Variants in CMSS1 observed in about 807,000 individuals in gnomAD.
CMSS1 encodes the protein protein CMSS1.
In CMSS1, 33 loss-of-function variants were observed where a neutral mutation model predicts 43.5. The ratio of observed to expected loss-of-function variants is 0.76; its 90% confidence interval spans 0.57 to 1.01. The LOEUF (loss-of-function observed/expected upper bound fraction) is 1.01, where lower values mean the gene tolerates loss of function less well. Ranked by LOEUF, CMSS1 falls within the 50% of genes least tolerant of loss-of-function variation. The pLI is 0.00. For missense variants in CMSS1, 313 were observed against 326.4 expected, an observed-to-expected ratio of 0.96 and a Z score of 0.32; for synonymous variants, 115 against 117.2, an observed-to-expected ratio of 0.98 and a Z score of 0.12.
In CMSS1 at chr3:99,952,300, T is replaced by C. The variant is rs186391934; in HGVS notation, c.64+134257T>C. Among the ~76,000 whole-genome samples, 10 of 152,352 alleles carry C rather than the reference T, an allele frequency of 6.6e-5. No homozygotes were observed. In the East Asian group the frequency reaches 1.9e-3, roughly 29 times the overall value. On this transcript the variant is annotated intron_variant, in intron 1 of 9. Coordinates refer to ENST00000421999, the MANE Select transcript of CMSS1 (RefSeq NM_032359.4). ...TCAATTGGATTATTTTGGCTTAAGCTAGACATCTAAGGTATTTTCATAATG... is the reference window on the plus strand; with the variant it reads ...TCAATTGGATTATTTTGGCTTAAGCCAGACATCTAAGGTATTTTCATAATG...
intron 1 of CMSS1, among the ~76,000 whole-genome samples, chr3:99,910,916 A>G (rs1706767431): frequency 6.6e-6 from 1 of 152,206 alleles, no homozygotes; most frequent in Non-Finnish European, 1.5e-5. Flanking sequence ...TTAGCTGAGC[A>G]ACCCTTTTCA....
chr3:100,001,991 A>G (rs548993862), intron 1 of CMSS1, among the ~76,000 whole-genome samples: 1 of 152,136 alleles, frequency 6.6e-6, no homozygotes, highest in East Asian at 1.9e-4. Flanking sequence ...CCCAATTCTG[A>G]AGCTTTGTTG....
intron 1 of CMSS1, among the ~76,000 whole-genome samples, chr3:100,109,619 A>G (rs909995720): frequency 6.6e-6 from 1 of 152,150 alleles, no homozygotes; most frequent in Non-Finnish European, 1.5e-5. Context: ...TTCAATTGGC[A>G]TAATGCAATT....
intron 1 of CMSS1, among the ~76,000 whole-genome samples, chr3:99,941,450 G>A (rs1212237843): frequency 1.3e-5 from 2 of 152,182 alleles, no homozygotes; most frequent in African/African-American, 4.8e-5. Context: ...GAATGAAAAA[G>A]GGTTCCCAGG....
intron 1 of CMSS1, among the ~76,000 whole-genome samples, chr3:100,118,121 AT>A (rs1475671001): frequency 6.6e-6 from 1 of 151,262 alleles, no homozygotes; most frequent in Non-Finnish European, 1.5e-5. Context: ...TGGGTGTAGA[AT>A]TTCATCTGGG....
At chr3:100,138,982 T>C (rs752538901) in intron 1 of CMSS1, among the ~76,000 whole-genome samples, 3 of 152,232 alleles carry the variant, frequency 2.0e-5, no homozygotes, top group African/African-American at 7.2e-5. Flanking sequence ...GAAAATGTGG[T>C]ACATATATAC....
chr3:100,175,548 G>A (rs2107534351), intron 8 of CMSS1, among the ~76,000 whole-genome samples: 1 of 152,172 alleles, frequency 6.6e-6, no homozygotes, highest in South Asian at 2.1e-4. Flanking sequence ...ACAGGCATTT[G>A]AATTATAAAA....
intron 1 of CMSS1, among the ~76,000 whole-genome samples, chr3:100,056,602 C>G (rs896275750): frequency 1.1e-4 from 17 of 151,970 alleles, no homozygotes; most frequent in Admixed American, 6.6e-5. Flanking sequence ...TTGTCATAAT[C>G]TAATTAACAC....
intron 1 of CMSS1, among the ~76,000 whole-genome samples, chr3:100,126,830 C>T (rs2066666726): frequency 2.0e-5 from 3 of 152,106 alleles, no homozygotes; most frequent in African/African-American, 7.2e-5. Context: ...AACTCCGTCT[C>T]TACTAAAAAT....
intron 1 of CMSS1, among the ~76,000 whole-genome samples, chr3:100,079,266 T>C (rs551443897): frequency 5.3e-5 from 8 of 152,314 alleles, no homozygotes; most frequent in African/African-American, 1.7e-4. Context: ...TATCGATGCT[T>C]TCTGTTGGTC....
At chr3:100,075,215 C>A (rs1053086095) in intron 1 of CMSS1, among the ~76,000 whole-genome samples, 9 of 152,148 alleles carry the variant, frequency 5.9e-5, no homozygotes, top group African/African-American at 1.9e-4. Context: ...TCAGCTTTTG[C>A]TAAAAGAAGA....
At chr3:99,957,344 A>C (rs2107696812) in intron 1 of CMSS1, among the ~76,000 whole-genome samples, 1 of 152,364 alleles carries the variant, frequency 6.6e-6, no homozygotes, top group South Asian at 2.1e-4. Flanking sequence ...TATTTAGTTG[A>C]AGAAAGCCAA....
chr3:99,823,862 GT>G (rs891317090), intron 1 of CMSS1, among the ~76,000 whole-genome samples: 1 of 151,456 alleles, frequency 6.6e-6, no homozygotes, highest in Non-Finnish European at 1.5e-5. Context: ...TTACTTAGCC[GT>G]TTGTGTTAGC....
chr3:99,952,926 G>A (rs62283534), intron 1 of CMSS1, among the ~76,000 whole-genome samples: 2 of 152,140 alleles, frequency 1.3e-5, no homozygotes, highest in African/African-American at 2.4e-5. Flanking sequence ...GCAATGGATT[G>A]TAGATAGTTT....
intron 1 of CMSS1, chr3:99,930,807 G>C: frequency 6.2e-7 from 1 of 1,612,826 alleles, no homozygotes; most frequent in African/African-American, 1.3e-5. Flanking sequence ...AGAAATAACA[G>C]GTCATCTCTT....
At chr3:99,937,499 G>T (rs1285522258) in intron 1 of CMSS1, among the ~76,000 whole-genome samples, 1 of 152,236 alleles carries the variant, frequency 6.6e-6, no homozygotes, top group East Asian at 1.9e-4. Flanking sequence ...GAATCAAATA[G>T]AACTGGTCTT....
At chr3:99,855,031 AGACT>A (rs1465340326) in intron 1 of CMSS1, among the ~76,000 whole-genome samples, 1 of 152,208 alleles carries the variant, frequency 6.6e-6, no homozygotes, top group African/African-American at 2.4e-5. Context: ...GCTGGCCCTT[AGACT>A]GACTGTGGGT....
At chr3:99,971,808 C>T (rs1708831001) in intron 1 of CMSS1, among the ~76,000 whole-genome samples, 1 of 152,144 alleles carries the variant, frequency 6.6e-6, no homozygotes, top group Admixed American at 6.5e-5. Context: ...AGAGTCGGTT[C>T]CTAGCTTGAA....
At chr3:100,036,146 C>A (rs2065103459) in intron 1 of CMSS1, among the ~76,000 whole-genome samples, 1 of 152,174 alleles carries the variant, frequency 6.6e-6, no homozygotes, top group Non-Finnish European at 1.5e-5. Context: ...TTAGGAAGGT[C>A]TTCTAAGGCA....
Sources: allele counts gnomAD v4.1 joint callset (sites outside exome capture counted in the v4.1 genomes callset), GRCh38; gene constraint gnomAD v4.1.1; transcripts MANE v1.5; gene names NCBI Gene and HGNC (gene_info 2026-07-23, HGNC 2026-07-21).